CCDC146: variants seen among roughly 807,000 people sequenced by gnomAD.
CCDC146 encodes the protein coiled-coil domain-containing protein 146.
CCDC146 carries 92 observed loss-of-function variants against 119.3 expected under a neutral mutation model. The ratio of observed to expected loss-of-function variants is 0.77; its 90% CI spans 0.65 to 0.92. The LOEUF (loss-of-function observed/expected upper bound fraction) is 0.92. Ranked by LOEUF, CCDC146 falls within the 40% of genes least tolerant of loss-of-function variation. The pLI is 0.00. For missense variants in CCDC146, 1,000 were observed against 1,103.0 expected, an observed-to-expected ratio of 0.91 and a Z score of 1.32; for synonymous variants, 372 against 371.8, an observed-to-expected ratio of 1.00 and a Z score of -0.01.
chr7:77,231,687 A>G (rs980513986), intron 2 of CCDC146, among the ~76,000 whole-genome samples: 1 of 152,120 alleles, frequency 6.6e-6, no homozygotes, highest in Non-Finnish European at 1.5e-5. Context: ...ATGCATTGTC[A>G]TCATACTCTC....
intron 2 of CCDC146, among the ~76,000 whole-genome samples, chr7:77,233,549 G>A (rs183333856): frequency 2.0e-5 from 3 of 152,062 alleles, no homozygotes; most frequent in Non-Finnish European, 2.9e-5. Flanking sequence ...GACCAGTTTC[G>A]TGGAAGACAA....
chr7:77,146,477 G>A (rs531122797), intron 1 of CCDC146, among the ~76,000 whole-genome samples: 1 of 152,192 alleles, frequency 6.6e-6, no homozygotes, highest in South Asian at 2.1e-4. Flanking sequence ...TACTTTGCTC[G>A]TTAGTTGATG....
chr7:77,192,132 G>A (rs772403391), intron 2 of CCDC146, among the ~76,000 whole-genome samples: 13 of 151,906 alleles, frequency 8.6e-5, no homozygotes, highest in Non-Finnish European at 1.2e-4. Flanking sequence ...TCACCATGTT[G>A]GCCAGGCTGG....
chr7:77,123,550 C>A (rs1692415426), intron 1 of CCDC146, among the ~76,000 whole-genome samples: 1 of 151,676 alleles, frequency 6.6e-6, no homozygotes, highest in Non-Finnish European at 1.5e-5. Flanking sequence ...TTTCTCTCTC[C>A]CCCTCTGTGC....
rs1554358925 is a variant in CCDC146 at position 77,259,996 on chromosome 7, G to GTGTGTA, written c.759-12_759-11insGTGTAT. 2 of 960,216 alleles carry GTGTGTA rather than the reference G, an allele frequency of 2.1e-6. No individual in the cohort carries two copies. The highest frequency in any genetic ancestry group is 3.6e-5 in the African/African-American group (2 of 56,228). 59.5% of individuals were successfully genotyped at this position (960,216 alleles called of 1,614,324 possible). The stretch of plus-strand genomic sequence containing the variant: ...TGTGTGTGTGTGTGTGTGTGTGTGT[G>GTGTGTA]TATCCCCTACAGAGAAATGGAAAAG... On this transcript the variant is annotated splice_polypyrimidine_tract_variant and intron_variant, in intron 7 of 18. Transcript: ENST00000285871.
intron 4 of CCDC146, among the ~76,000 whole-genome samples, chr7:77,249,558 C>G (rs999821124): frequency 2.0e-5 from 3 of 149,948 alleles, no homozygotes; most frequent in African/African-American, 7.3e-5. Context: ...TTATATAATG[C>G]CCCTCTTTGT....
At chr7:77,227,354 G>A (rs1167968732) in intron 2 of CCDC146, among the ~76,000 whole-genome samples, 1 of 152,186 alleles carries the variant, frequency 6.6e-6, no homozygotes, top group African/African-American at 2.4e-5. Context: ...CGCCTAGGCT[G>A]GAGTGCAGTG....
chr7:77,148,017 A>G (rs944841670), intron 1 of CCDC146, among the ~76,000 whole-genome samples: 1 of 152,224 alleles, frequency 6.6e-6, no homozygotes, highest in South Asian at 2.1e-4. Flanking sequence ...GGTGGAGCCT[A>G]CAGAGGCAGG....
At chr7:77,170,927 A>G (rs1406106620) in intron 2 of CCDC146, among the ~76,000 whole-genome samples, 1 of 152,216 alleles carries the variant, frequency 6.6e-6, no homozygotes, top group Admixed American at 6.5e-5. Flanking sequence ...GGATGCTGGC[A>G]AAGGTGTGGA....
rs768894290 is a variant in CCDC146, at chr7:77,260,237, G to A, written c.986+1G>A. Reference sequence around the variant, plus strand: ...ATGAAGCAACTTCATTAACTGAAAGGTTAGTTATATTTATGTATGTTATGT... The same window carrying A: ...ATGAAGCAACTTCATTAACTGAAAGATTAGTTATATTTATGTATGTTATGT... On this transcript the variant is annotated splice_donor_variant, in intron 8 of 18. Coordinates refer to ENST00000285871, the MANE Select transcript of CCDC146 (RefSeq NM_020879.3). LOFTEE classifies it high-confidence loss of function. 31 of 1,603,140 alleles carry A rather than the reference G, an allele frequency of 1.9e-5. No homozygotes were observed. Among genetic ancestry groups the A allele is most frequent in the Admixed American group, 1.9e-4 (11 of 58,966 alleles).
intron 2 of CCDC146, among the ~76,000 whole-genome samples, chr7:77,185,834 C>T (rs1791658954): frequency 6.6e-6 from 1 of 152,088 alleles, no homozygotes; most frequent in South Asian, 2.1e-4. Flanking sequence ...TAAGGAAATT[C>T]AAGATGACAC....
At chr7:77,263,256 T>C (rs1237021830) in intron 9 of CCDC146, among the ~76,000 whole-genome samples, 1 of 152,204 alleles carries the variant, frequency 6.6e-6, no homozygotes, top group African/African-American at 2.4e-5. Flanking sequence ...TAGACAAAAG[T>C]GACACGTGTC....
At position 77,237,000 on chromosome 7, in the gene CCDC146, G is replaced by A. The variant is rs149955577; in HGVS notation, c.210G>A (p.Lys70=). ...CCAGAATGGCAGCGTTAAAAGCCAA[G>A]TATACCTTGCTGCATGACGCCGTGA... ...PGTRMAALKA[K]YTLLHDAVMS... Residue 70 remains lysine, a synonymous_variant, in exon 3 of 19, where the codon AAG becomes AAA. Coordinates refer to ENST00000285871, the MANE Select transcript of CCDC146 (RefSeq NM_020879.3). 4 of 1,614,048 alleles carry A rather than the reference G, an allele frequency of 2.5e-6. No homozygotes were observed. The African/African-American group carries it at 5.3e-5, about 22-fold the overall frequency.
At chr7:77,293,566 C>T (rs535098634) in intron 18 of CCDC146, among the ~76,000 whole-genome samples, 1 of 152,224 alleles carries the variant, frequency 6.6e-6, no homozygotes, top group Admixed American at 6.5e-5. Context: ...CTGACTGTTC[C>T]ATGTTCATCT....
At chr7:77,142,010 A>AAACC (rs1790940111) in intron 1 of CCDC146, among the ~76,000 whole-genome samples, 2 of 152,126 alleles carry the variant, frequency 1.3e-5, no homozygotes, top group South Asian at 2.1e-4. Flanking sequence ...CCTGAATGGT[A>AAACC]TTGCCTGGGT....
chr7:77,142,329 T>A (rs2117420349), intron 1 of CCDC146, among the ~76,000 whole-genome samples: 1 of 151,372 alleles, frequency 6.6e-6, no homozygotes, highest in African/African-American at 2.4e-5. Flanking sequence ...TTTATTTATT[T>A]ATTTATTTAT....
intron 9 of CCDC146, among the ~76,000 whole-genome samples, chr7:77,266,731 GTT>G (rs1266218390): frequency 6.6e-6 from 1 of 152,086 alleles, no homozygotes; most frequent in Admixed American, 6.6e-5. Flanking sequence ...TACACCAGCT[GTT>G]CTCCATAGGT....
Position 77,260,040 on chromosome 7 carries a change from C to T in CCDC146, c.790C>T (p.Gln264Ter), listed in dbSNP as rs1023393707. ...EMEKKKIVLE[Q>*]EVKTLNDSLK... ...GGAAAAGAAAAAAATTGTCTTGGAACAAGAAGTCAAAACGCTAAATGACTC... is the reference window on the plus strand; with the variant it reads ...GGAAAAGAAAAAAATTGTCTTGGAATAAGAAGTCAAAACGCTAAATGACTC... The change falls in exon 8 of 19, where the codon CAA becomes TAA. Residue 264 changes from glutamine to a stop codon, truncating the protein, a stop_gained. Coordinates refer to ENST00000285871, the MANE Select transcript of CCDC146 (RefSeq NM_020879.3). LOFTEE classifies it high-confidence loss of function. The T allele has an allele frequency of 1.9e-6, 3 of 1,570,470 alleles. No homozygotes were observed. The highest frequency in any genetic ancestry group is 2.6e-6 in the Non-Finnish European group (3 of 1,153,096).
chr7:77,231,121 C>T (rs895789022), intron 2 of CCDC146, among the ~76,000 whole-genome samples: 5 of 152,200 alleles, frequency 3.3e-5, no homozygotes. Flanking sequence ...CTTTGTCCAG[C>T]ATGTACACAC....
Sources: allele counts gnomAD v4.1 joint callset (sites outside exome capture counted in the v4.1 genomes callset), GRCh38; gene constraint gnomAD v4.1.1; transcripts MANE v1.5; gene names NCBI Gene and HGNC (gene_info 2026-07-23, HGNC 2026-07-21).